Variants in BBS9 observed in about 807,000 individuals in gnomAD.
BBS9 encodes Bardet-Biedl syndrome 9.
Under a neutral mutation model 117.7 loss-of-function variants are expected in BBS9, and 89 were observed. The observed-to-expected ratio is 0.76, with a 90% CI of 0.64 to 0.90. BBS9 has a LOEUF of 0.90. BBS9 is among the 40% of genes least tolerant of loss of function. BBS9 has a pLI of 0.00. For missense variants in BBS9, 982 were observed against 1,042.2 expected (o/e 0.94, Z 0.80); for synonymous variants, 379 against 370.9 (o/e 1.02, Z -0.25).
At chr7:33,282,890 C>T (rs1802175624) in intron 9 of BBS9, among the ~76,000 whole-genome samples, 1 of 152,050 alleles carries the variant, frequency 6.6e-6, no homozygotes. Flanking sequence ...CTATTGACTT[C>T]CTATTGTGAA....
intron 19 of BBS9, among the ~76,000 whole-genome samples, chr7:33,489,680 A>G (rs1843639144): frequency 6.6e-6 from 1 of 152,018 alleles, no homozygotes; most frequent in Non-Finnish European, 1.5e-5. Context: ...GCTAAACACT[A>G]TTTTCTAAGG....
intron 5 of BBS9, among the ~76,000 whole-genome samples, chr7:33,179,018 G>T (rs932097042): frequency 1.6e-4 from 25 of 152,116 alleles, no homozygotes; most frequent in Admixed American, 7.9e-4. Flanking sequence ...TAGATGAGGG[G>T]AGAGTCTGTC....
intron 21 of BBS9, among the ~76,000 whole-genome samples, chr7:33,592,703 G>C (rs561592552): frequency 6.6e-6 from 1 of 152,008 alleles, no homozygotes; most frequent in Non-Finnish European, 1.5e-5. Context: ...CCTAGACTCT[G>C]TCATTATTAA....
At chr7:33,164,231 G>A (rs1245058025) in intron 4 of BBS9, among the ~76,000 whole-genome samples, 1 of 152,214 alleles carries the variant, frequency 6.6e-6, no homozygotes, top group African/African-American at 2.4e-5. Context: ...TGCATTTGCT[G>A]AGGAGTGTTT....
intron 9 of BBS9, among the ~76,000 whole-genome samples, chr7:33,335,441 A>C (rs1022681602): frequency 2.6e-5 from 4 of 152,152 alleles, no homozygotes; most frequent in African/African-American, 9.7e-5. Context: ...TCTGTAGAAA[A>C]CCTAACAAAC....
chr7:33,240,588 C>T (rs1395289833), intron 5 of BBS9, among the ~76,000 whole-genome samples: 2 of 152,012 alleles, frequency 1.3e-5, no homozygotes, highest in Non-Finnish European at 2.9e-5. Context: ...TATTTTTGCT[C>T]CTTTTCACTT....
At position 33,534,157 on chromosome 7, in the gene BBS9, A is replaced by G; in HGVS notation, c.2502A>G (p.Pro834=). ...RLCLSTDAAA[P]QTMVMPGGCT... ...GCCTAAGTACCGATGCAGCAGCCCC[A>G]CAGACCATGGTCATGCCAGGTAAGA... Residue 834 remains proline, a synonymous_variant, in exon 21 of 23, where the codon CCA becomes CCG. Coordinates refer to ENST00000242067, the MANE Select transcript of BBS9 (RefSeq NM_198428.3). 6.2e-7 allele frequency: 1 copy of G among 1,614,164 alleles called. No individual in the cohort carries two copies. Among genetic ancestry groups the G allele is most frequent in the Non-Finnish European group, 8.5e-7 (1 of 1,180,020 alleles).
chr7:33,561,073 A>G (rs116280288), intron 21 of BBS9, among the ~76,000 whole-genome samples: 287 of 152,292 alleles, frequency 1.9e-3, no homozygotes, highest in African/African-American at 6.7e-3. Flanking sequence ...TCTTACTGCA[A>G]CAACTATTAG....
chr7:33,455,046 T>C lies in BBS9; in HGVS notation c.2116-50417T>C, dbSNP rs557951741. Among the ~76,000 whole-genome samples, 3 of 152,342 alleles carry C rather than the reference T, an allele frequency of 2.0e-5. No individual in the cohort carries two copies. The East Asian group carries it at 5.8e-4, about 29-fold the overall frequency. On this transcript the variant is annotated intron_variant, in intron 19 of 22. Transcript: ENST00000242067. Reference sequence around the variant, plus strand: ...TGTAAAGGAGGAGCAATCCCAGTTATATCCAGTTTATCATGTTGTGAGGTT... The same window carrying C: ...TGTAAAGGAGGAGCAATCCCAGTTACATCCAGTTTATCATGTTGTGAGGTT...
chr7:33,349,284 C>A, intron 13 of BBS9, 114 bp downstream of exon 13: 1 of 778,050 alleles, frequency 1.3e-6, no homozygotes, highest in Non-Finnish European at 2.2e-6. Context: ...GGGATCGTCC[C>A]AAAATCAATG....
rs781066901 is a variant in BBS9, at chr7:33,534,192, A to G, written c.2521+16A>G. 235 of 1,607,060 alleles carry G rather than the reference A, an allele frequency of 1.5e-4. No homozygotes were observed. The highest frequency in any genetic ancestry group is 2.0e-4 in the Non-Finnish European group (231 of 1,174,202). On this transcript the variant is annotated intron_variant, in intron 21 of 22. Coordinates refer to ENST00000242067, the MANE Select transcript of BBS9 (RefSeq NM_198428.3). ...GTCATGCCAGGTAAGAGCTCTGTCC[A>G]TGCTCCCTAATCACAATTGTACTTC...
intron 5 of BBS9, among the ~76,000 whole-genome samples, chr7:33,229,215 T>G (rs1284496167): frequency 1.3e-5 from 2 of 152,150 alleles, no homozygotes; most frequent in Non-Finnish European, 2.9e-5. Context: ...TAAAATCTAC[T>G]CATTTAGCAT....
chr7:33,137,038 C>T (rs1053423156), intron 1 of BBS9, among the ~76,000 whole-genome samples: 8 of 152,114 alleles, frequency 5.3e-5, no homozygotes, highest in South Asian at 2.1e-4. Flanking sequence ...CTTGAGTCAG[C>T]AGAGGGTCTC....
chr7:33,433,792 T>C (rs1834879887), intron 19 of BBS9, among the ~76,000 whole-genome samples: 1 of 152,114 alleles, frequency 6.6e-6, no homozygotes, highest in Non-Finnish European at 1.5e-5. Flanking sequence ...ATTTTTATTT[T>C]ACAGATAATC....
chr7:33,281,302 AT>A (rs1205319029), intron 9 of BBS9, among the ~76,000 whole-genome samples: 1 of 88,714 alleles, frequency 1.1e-5, no homozygotes, highest in African/African-American at 4.4e-5. Flanking sequence ...TTGTTTGCTT[AT>A]TTTTTCATTT....
At chr7:33,564,898 T>C (rs916460988) in intron 21 of BBS9, among the ~76,000 whole-genome samples, 1 of 152,162 alleles carries the variant, frequency 6.6e-6, no homozygotes, top group African/African-American at 2.4e-5. Flanking sequence ...AACTAACACT[T>C]AAGAATCCCT....
At chr7:33,239,797 GC>G (rs1232755807) in intron 5 of BBS9, among the ~76,000 whole-genome samples, 1 of 151,950 alleles carries the variant, frequency 6.6e-6, no homozygotes, top group African/African-American at 2.4e-5. Context: ...ATTGCTTGAG[GC>G]CAGGAATTCA....
At chr7:33,545,608 G>A (rs1394141669) in intron 21 of BBS9, among the ~76,000 whole-genome samples, 4 of 152,032 alleles carry the variant, frequency 2.6e-5, no homozygotes, top group Non-Finnish European at 5.9e-5. Context: ...GGGATTGCTG[G>A]TTTGTTCTTG....
chr7:33,300,358 A>G (rs1806132644), intron 9 of BBS9, among the ~76,000 whole-genome samples: 1 of 152,220 alleles, frequency 6.6e-6, no homozygotes, highest in African/African-American at 2.4e-5. Context: ...ACAGATGGGA[A>G]GTTTGCAGGG....
Sources: allele counts gnomAD v4.1 joint callset (sites outside exome capture counted in the v4.1 genomes callset), GRCh38; gene constraint gnomAD v4.1.1; transcripts MANE v1.5; gene names NCBI Gene and HGNC (gene_info 2026-07-23, HGNC 2026-07-21).